The following SVIP variants were observed in gnomAD, a reference collection of about 807,000 sequenced individuals.
SVIP encodes the protein small VCP interacting protein, also known as small VCP/p97-interacting protein.
In SVIP, 14 loss-of-function variants were observed where a neutral mutation model predicts 12.9. The observed-to-expected ratio is 1.08, with a 90% confidence interval of 0.72 to 1.70. The LOEUF is 1.70. Ranked by LOEUF, SVIP falls within the 40% of genes most tolerant of loss-of-function variation. The pLI is 0.00. For synonymous variants in SVIP, 35 were observed against 33.3 expected, an observed-to-expected ratio of 1.05 and a Z score of -0.17; for missense variants, 93 against 90.8, an observed-to-expected ratio of 1.02 and a Z score of -0.10.
At chr11:22,824,189 T>C (rs963321101) in intron 3 of SVIP, among the ~76,000 whole-genome samples, 5 of 151,994 alleles carry the variant, frequency 3.3e-5, no homozygotes. Flanking sequence ...AAAACAAAAA[T>C]TTAAAAATTC....
At chr11:22,823,679 T>C (rs1857562789) in intron 3 of SVIP, among the ~76,000 whole-genome samples, 1 of 152,220 alleles carries the variant, frequency 6.6e-6, no homozygotes, top group African/African-American at 2.4e-5. Context: ...TGTTGTCCCT[T>C]GTTGCCAATC....
At chr11:22,825,399 G>A (rs1027842829) in intron 3 of SVIP, among the ~76,000 whole-genome samples, 11 of 152,104 alleles carry the variant, frequency 7.2e-5, no homozygotes, top group Admixed American at 6.5e-4. Flanking sequence ...AAGCTAGTGT[G>A]GTAGTGGTAG....
intron 3 of SVIP, among the ~76,000 whole-genome samples, chr11:22,826,965 G>A (rs1477978797): frequency 6.6e-6 from 1 of 151,994 alleles, no homozygotes; most frequent in Non-Finnish European, 1.5e-5. Flanking sequence ...AAGCATAAGA[G>A]TATTAAAATA....
chr11:22,826,749 G>A (rs1462883162), intron 3 of SVIP, among the ~76,000 whole-genome samples: 2 of 152,054 alleles, frequency 1.3e-5, no homozygotes, highest in Admixed American at 6.6e-5. Context: ...ATAAACAGGG[G>A]CAATGGAAAG....
chr11:22,824,580 T>A (rs1184201172), intron 3 of SVIP, among the ~76,000 whole-genome samples: 2 of 151,700 alleles, frequency 1.3e-5, no homozygotes, highest in African/African-American at 4.8e-5. Context: ...TAAACTTGCT[T>A]TTCTTCATTG....
chr11:22,822,997 C>T lies in SVIP; in HGVS notation c.*122G>A. On this transcript the variant is annotated 3_prime_UTR_variant, in exon 4 of 4. Coordinates refer to ENST00000354193, the MANE Select transcript of SVIP (RefSeq NM_148893.3). ...GTTTTTTTAGCATTGCACTTAAGGG[C>T]AATAATATTACAAAGTCTGAATCTT... 1.2e-6 allele frequency: 1 copy of T among 811,982 alleles called. No homozygotes were observed. Among genetic ancestry groups the T allele is most frequent in the Non-Finnish European group, 1.8e-6 (1 of 546,716 alleles). The allele number at this position is 811,982 out of a possible 1,614,324, so 50.3% of individuals were successfully genotyped here.
intron 3 of SVIP, among the ~76,000 whole-genome samples, chr11:22,823,909 G>C (rs866433591): frequency 1.3e-5 from 2 of 152,232 alleles, no homozygotes; most frequent in Middle Eastern, 3.4e-3. Context: ...TTTTTGTAGA[G>C]ACAGGGTCTC....
rs1263172868 is a variant in SVIP, at chr11:22,821,020, G to A, written c.*2099C>T. ...AAACTGATGGTTATTTTATGAGGGA[G>A]ATGTCTGGACGTATGTGTGTATGTG... On this transcript the variant is annotated 3_prime_UTR_variant, in exon 4 of 4. Transcript: ENST00000354193. The A allele has an allele frequency of 1.3e-5, 2 of 151,080 alleles. No individual in the cohort carries two copies. The highest frequency in any genetic ancestry group is 3.0e-5 in the Non-Finnish European group (2 of 67,796). 9.4% of individuals were successfully genotyped at this position (151,080 alleles called of 1,614,324 possible).
rs1857871065 is a variant in SVIP at position 22,829,537 on chromosome 11, C to T, written c.54+158G>A. ...ACGGCCTAGGTCGCTCTGACAGGAC[C>T]CAACGACCCTCCTGACGCGTCCACC... On this transcript the variant is annotated intron_variant, in intron 1 of 3. Transcript: ENST00000354193. 1.0e-5 allele frequency: 7 copies of T among 672,254 alleles called. No homozygotes were observed. The Admixed American group carries it at 1.2e-4, about 12-fold the overall frequency. The allele number at this position is 672,254 out of a possible 1,614,324, so 41.6% of individuals were successfully genotyped here.
At chr11:22,829,630 C>A (rs1857877075) in intron 1 of SVIP, 65 bp downstream of exon 1, 2 of 1,502,430 alleles carry the variant, frequency 1.3e-6, no homozygotes, top group Non-Finnish European at 1.8e-6. Flanking sequence ...GCTCGGCCCG[C>A]CCCGCAACCC....
rs768368344 is a variant in SVIP, at chr11:22,823,105, A to C, written c.*14T>G. ...ACAGTTATTGGCAGTAGATTCTTCT[A>C]CTCATGTTATGCTTTATGAAACTGT... is the stretch of plus-strand genomic sequence containing the variant. On this transcript the variant is annotated 3_prime_UTR_variant, in exon 4 of 4. Transcript: ENST00000354193. 6.3e-7 allele frequency: 1 copy of C among 1,584,516 alleles called. No homozygotes were observed.
intron 3 of SVIP, among the ~76,000 whole-genome samples, chr11:22,826,935 A>C (rs189855709): frequency 1.1e-3 from 167 of 152,122 alleles, no homozygotes; most frequent in African/African-American, 3.9e-3. Flanking sequence ...TGAATTTTTG[A>C]ATTATTTAAG....
chr11:22,824,175 CAACAA>C (rs942325622), intron 3 of SVIP, among the ~76,000 whole-genome samples: 3 of 152,012 alleles, frequency 2.0e-5, no homozygotes, highest in African/African-American at 7.2e-5. Flanking sequence ...AAATAAAACA[CAACAA>C]AACAAAAATT....
At chr11:22,827,095 T>G (rs907607406) in intron 3 of SVIP, 112 bp downstream of exon 3, 1 of 809,480 alleles carries the variant, frequency 1.2e-6, no homozygotes, top group African/African-American at 1.7e-5. Context: ...GCTTTTAAAC[T>G]ATTTCAAAAT....
chr11:22,829,801 T>C lies in SVIP; in HGVS notation c.-53A>G. On this transcript the variant is annotated 5_prime_UTR_variant, in exon 1 of 4. Coordinates refer to ENST00000354193, the MANE Select transcript of SVIP (RefSeq NM_148893.3). Reference sequence around the variant, plus strand: ...GGGTCCGGCCCAGGCCAGGCGGCGCTAACTGCGCGGTCCGGAGCCGGTCCC... The same window carrying C: ...GGGTCCGGCCCAGGCCAGGCGGCGCCAACTGCGCGGTCCGGAGCCGGTCCC... The C allele has an allele frequency of 2.0e-6, 3 of 1,527,600 alleles. No homozygotes were observed. The highest frequency in any genetic ancestry group is 2.4e-5 in the South Asian group (2 of 84,002). 94.6% of individuals were successfully genotyped at this position (1,527,600 alleles called of 1,614,324 possible).
chr11:22,827,514 T>G (rs1857760943), intron 2 of SVIP, among the ~76,000 whole-genome samples, 194 bp from the exon 3 acceptor site: 1 of 152,164 alleles, frequency 6.6e-6, no homozygotes, highest in South Asian at 2.1e-4. Context: ...ATTTTGTAAC[T>G]ATACAAATTT....
chr11:22,825,365 A>C lies in SVIP; in HGVS notation c.219+1842T>G, dbSNP rs1202540789. On this transcript the variant is annotated intron_variant, in intron 3 of 3. Transcript: ENST00000354193. ...GCTCTTGACATGTTGTGCATGTGTC[A>C]AGCAGAATGGAGCATGCCACTTGAA... Among the ~76,000 whole-genome samples the C allele has an allele frequency of 2.6e-5, 4 of 152,046 alleles. No homozygotes were observed. In the East Asian group the frequency reaches 7.8e-4, roughly 30 times the overall value.
chr11:22,824,481 T>C (rs1857613366), intron 3 of SVIP, among the ~76,000 whole-genome samples: 1 of 141,118 alleles, frequency 7.1e-6, no homozygotes, highest in Non-Finnish European at 1.5e-5. Flanking sequence ...TACGTATATA[T>C]ATATGTATAT....
intron 3 of SVIP, among the ~76,000 whole-genome samples, chr11:22,826,884 T>A (rs928795956): frequency 4.6e-5 from 7 of 152,160 alleles, no homozygotes; most frequent in Non-Finnish European, 8.8e-5. Context: ...GGTACTTAGT[T>A]TGGATGACTT....
Sources: gnomAD v4.1 joint callset for allele counts (sites outside exome capture counted in the v4.1 genomes callset) on GRCh38, gnomAD v4.1.1 for gene constraint, MANE v1.5 for transcripts, NCBI Gene and HGNC (gene_info 2026-07-23, HGNC 2026-07-21) for gene names.